Variants in ATXN7 observed in about 807,000 individuals in gnomAD.
The protein encoded by ATXN7 is ataxin 7, also known as ataxin-7.
Under a neutral mutation model 70.5 loss-of-function variants are expected in ATXN7, and 12 were observed. The ratio of observed to expected loss-of-function variants is 0.17; its 90% CI spans 0.11 to 0.28. The LOEUF (loss-of-function observed/expected upper bound fraction) is 0.28, where lower values mean the gene tolerates loss of function less well. Among genes scored for constraint, ATXN7 ranks in the 10% least tolerant of loss-of-function variants. The pLI, the probability that ATXN7 is intolerant of heterozygous loss-of-function variation, is 1.00. For missense variants in ATXN7, 1,256 were observed against 1,131.7 expected, an observed-to-expected ratio of 1.11 and a Z score of -1.58; for synonymous variants, 498 against 448.7, an observed-to-expected ratio of 1.11 and a Z score of -1.39.
rs1336506931 is a variant in ATXN7 at position 63,932,537 on chromosome 3, C to T, written c.394+19312C>T. On this transcript the variant is annotated intron_variant, in intron 4 of 12. Transcript: ENST00000674280. Reference sequence around the variant, plus strand: ...ATAATAGGGTCTTGTTTTTAAATGACTTCATTGATTGCCATTGCCCTTAGG... The same window carrying T: ...ATAATAGGGTCTTGTTTTTAAATGATTTCATTGATTGCCATTGCCCTTAGG... 2.0e-5 allele frequency among the ~76,000 whole-genome samples: 3 copies of T among 152,140 alleles called. No individual in the cohort carries two copies. In the East Asian group the frequency reaches 5.8e-4, roughly 29 times the overall value.
Position 63,990,266 on chromosome 3 carries a change from T to C in ATXN7, c.1452T>C (p.Thr484=). 6.2e-7 allele frequency: 1 copy of C among 1,614,098 alleles called. No individual in the cohort carries two copies. ...CTCCACACCCTCCCCTGCCTGCCAC[T>C]GAGCCAGCTTCTCGGTTATCCAGTG... is the stretch of plus-strand genomic sequence containing the variant. ...HESPHPPLPA[T]EPASRLSSEE... Residue 484 remains threonine, a synonymous_variant, in exon 10 of 13, where the codon ACT becomes ACC. Transcript: ENST00000674280.
chr3:63,938,132 A>G (rs2074696504), intron 4 of ATXN7, among the ~76,000 whole-genome samples: 1 of 152,208 alleles, frequency 6.6e-6, no homozygotes, highest in African/African-American at 2.4e-5. Flanking sequence ...ATTTGTTTGC[A>G]TATGGTTGTG....
At chr3:63,954,147 A>T (rs563643015) in intron 5 of ATXN7, among the ~76,000 whole-genome samples, 1 of 152,200 alleles carries the variant, frequency 6.6e-6, no homozygotes, top group Non-Finnish European at 1.5e-5. Flanking sequence ...ACAGAGGTGG[A>T]TAAGATGTCA....
chr3:63,952,600 G>C, intron 5 of ATXN7, 117 bp downstream of exon 5: 1 of 550,090 alleles, frequency 1.8e-6, no homozygotes, highest in Non-Finnish European at 3.0e-6. Context: ...CCAGGAAGTA[G>C]GCTTTTTAAT....
upstream of ATXN7, chr3:63,863,848 C>T: frequency 8.2e-7 from 1 of 1,217,158 alleles, no homozygotes; most frequent in Non-Finnish European, 1.0e-6. Flanking sequence ...CGGTTGGCGG[C>T]GGCGGAGGTC....
chr3:63,933,655 T>C (rs958263830), intron 4 of ATXN7, among the ~76,000 whole-genome samples: 3 of 152,204 alleles, frequency 2.0e-5, no homozygotes, highest in African/African-American at 7.2e-5. Flanking sequence ...GTTAAGTGAC[T>C]ATAGTTTCAG....
chr3:63,910,342 T>C (rs1703969282), intron 2 of ATXN7, among the ~76,000 whole-genome samples: 1 of 152,240 alleles, frequency 6.6e-6, no homozygotes, highest in African/African-American at 2.4e-5. Context: ...CCCTTTGTTA[T>C]CTATATGGCT....
intron 1 of ATXN7, among the ~76,000 whole-genome samples, chr3:63,894,079 C>T (rs1397035096): frequency 6.6e-6 from 1 of 152,100 alleles, no homozygotes; most frequent in Non-Finnish European, 1.5e-5. Context: ...ATTAGGAAGA[C>T]AGTATAGTTT....
At chr3:63,992,384 G>T (rs2075686597) in intron 11 of ATXN7, among the ~76,000 whole-genome samples, 1 of 152,182 alleles carries the variant, frequency 6.6e-6, no homozygotes, top group Admixed American at 6.5e-5. Context: ...TGGGGGTTCT[G>T]CAGGGGTTTT....
At position 63,979,921 on chromosome 3, in the gene ATXN7, G is replaced by A. The variant is rs1468314446; in HGVS notation, c.506G>A (p.Arg169Lys). The part of the protein sequence containing the change: ...PQAFQSHYER[R>K]HSSSSKPPLA... The stretch of plus-strand genomic sequence containing the variant: ...TCTTTGCTTTCGTTTTCAGAAAGAA[G>A]ACATAGCTCATCCAGCAAGCCGCCT... Residue 169 changes from arginine to lysine, a missense_variant, in exon 6 of 13, where the codon AGA becomes AAA. Transcript: ENST00000674280. 2.5e-6 allele frequency: 4 copies of A among 1,614,124 alleles called. No homozygotes were observed. Among genetic ancestry groups the A allele is most frequent in the Middle Eastern group, 1.6e-4 (1 of 6,062 alleles).
chr3:63,908,594 A>T (rs968338861), intron 2 of ATXN7, among the ~76,000 whole-genome samples: 1 of 152,204 alleles, frequency 6.6e-6, no homozygotes, highest in African/African-American at 2.4e-5. Flanking sequence ...TTTCAAGTTT[A>T]TTAAAATGTT....
chr3:63,947,511 G>C (rs1243608703), intron 4 of ATXN7, among the ~76,000 whole-genome samples: 1 of 152,192 alleles, frequency 6.6e-6, no homozygotes, highest in Non-Finnish European at 1.5e-5. Flanking sequence ...AGGATCGTTT[G>C]AGCCTGGGAG....
intron 8 of ATXN7, 86 bp from the exon 9 acceptor site, chr3:63,987,973 T>C (rs1031927945): frequency 1.3e-6 from 2 of 1,505,090 alleles, no homozygotes; most frequent in African/African-American, 1.4e-5. Flanking sequence ...AGATTGCTTA[T>C]TTATTGGGAG....
At chr3:63,949,952 A>G (rs988808170) in intron 4 of ATXN7, among the ~76,000 whole-genome samples, 1 of 152,214 alleles carries the variant, frequency 6.6e-6, no homozygotes, top group African/African-American at 2.4e-5. Context: ...AATAAATGGG[A>G]AAAACCATGT....
At chr3:63,915,080 C>G (rs113867179) in intron 4 of ATXN7, among the ~76,000 whole-genome samples, 3,795 of 152,148 alleles carry the variant, frequency 0.025, 167 homozygotes, top group African/African-American at 0.084. Flanking sequence ...GGACTGCAGG[C>G]GGCGGGCCAC....
At position 64,003,079 on chromosome 3, in the gene ATXN7, T is replaced by G. The variant is rs143867995; in HGVS notation, c.*3612T>G. The G allele has an allele frequency of 6.6e-6, 1 of 152,180 alleles. No individual in the cohort carries two copies. Among genetic ancestry groups the G allele is most frequent in the Non-Finnish European group, 1.5e-5 (1 of 68,030 alleles). 9.4% of individuals were successfully genotyped at this position (152,180 alleles called of 1,614,324 possible). On this transcript the variant is annotated 3_prime_UTR_variant, in exon 13 of 13. Transcript: ENST00000674280. ...GGGCGATTGGGCTTTGAAAAAATAT[T>G]CTTAAAAGTTTGTTTAGCAGAAAAT...
intron 4 of ATXN7, among the ~76,000 whole-genome samples, chr3:63,922,645 A>G (rs756042765): frequency 6.6e-6 from 1 of 152,032 alleles, no homozygotes; most frequent in Non-Finnish European, 1.5e-5. Flanking sequence ...TGAGGATCCT[A>G]CTTACATGAT....
At chr3:63,940,570 CAAAAT>C (rs1450564132) in intron 4 of ATXN7, among the ~76,000 whole-genome samples, 5 of 152,088 alleles carry the variant, frequency 3.3e-5, no homozygotes, top group South Asian at 2.1e-4. Context: ...ATAATAGTAA[CAAAAT>C]AAACACTGTT....
intron 4 of ATXN7, among the ~76,000 whole-genome samples, chr3:63,949,092 A>G (rs1163298081): frequency 6.6e-6 from 1 of 152,176 alleles, no homozygotes; most frequent in Non-Finnish European, 1.5e-5. Flanking sequence ...TTTAATTTGC[A>G]GACGGGTTGA....
Sources: gnomAD v4.1 joint callset for allele counts (sites outside exome capture counted in the v4.1 genomes callset) on GRCh38, gnomAD v4.1.1 for gene constraint, MANE v1.5 for transcripts, NCBI Gene and HGNC (gene_info 2026-07-23, HGNC 2026-07-21) for gene names.